Variants in MCTP1 observed in about 807,000 individuals in gnomAD.
MCTP1 encodes the protein multiple C2 and transmembrane domain containing 1, also known as multiple C2 and transmembrane domain-containing protein 1.
A neutral mutation model predicts 120.6 loss-of-function variants in MCTP1; 69 were observed. The observed-to-expected ratio is 0.57, with a 90% confidence interval of 0.47 to 0.70. The LOEUF (loss-of-function observed/expected upper bound fraction) is 0.70, where lower values mean the gene tolerates loss of function less well. Among genes scored for constraint, MCTP1 ranks in the 30% least tolerant of loss-of-function variants. The pLI, the probability that MCTP1 is intolerant of heterozygous loss-of-function variation, is 0.00. For synonymous variants in MCTP1, 529 were observed against 493.1 expected (o/e 1.07, Z -0.96); for missense variants, 1,203 against 1,248.8 (o/e 0.96, Z 0.55).
chr5:94,779,934 C>T (rs1034096351), intron 18 of MCTP1, among the ~76,000 whole-genome samples: 5 of 152,116 alleles, frequency 3.3e-5, no homozygotes, highest in Admixed American at 3.3e-4. Flanking sequence ...CTTCCCTTTG[C>T]CTTGATCAAC....
chr5:94,978,340 C>G (rs1436436382), intron 2 of MCTP1, among the ~76,000 whole-genome samples: 7 of 152,066 alleles, frequency 4.6e-5, no homozygotes, highest in Admixed American at 4.6e-4. Context: ...ATTTAGCAAT[C>G]TGACTTTTTA....
At chr5:95,039,878 C>CAAAA (rs57011733) in intron 1 of MCTP1, among the ~76,000 whole-genome samples, 750 of 77,248 alleles carry the variant, frequency 9.7e-3, no homozygotes, top group Middle Eastern at 0.026. Flanking sequence ...GTACCGTTTG[C>CAAAA]AAAAAAAAAA....
chr5:94,917,977 G>T lies in MCTP1; in HGVS notation c.1273-4C>A, dbSNP rs774165336. On this transcript the variant is annotated splice_polypyrimidine_tract_variant and splice_region_variant and intron_variant, in intron 7 of 22. Transcript: ENST00000515393. ...GAAGAGCTGGCCTGCCGCACGTCTGGATGGAAATGAATGATCAGAGCTGTA... is the reference window on the plus strand; with the variant it reads ...GAAGAGCTGGCCTGCCGCACGTCTGTATGGAAATGAATGATCAGAGCTGTA... 2.5e-6 allele frequency: 4 copies of T among 1,612,870 alleles called. No homozygotes were observed. The highest frequency in any genetic ancestry group is 2.5e-6 in the Non-Finnish European group (3 of 1,178,872).
intron 2 of MCTP1, among the ~76,000 whole-genome samples, chr5:94,982,230 A>C (rs1314515276): frequency 3.3e-5 from 5 of 152,216 alleles, no homozygotes; most frequent in Non-Finnish European, 1.5e-5. Flanking sequence ...TTAGATTTTA[A>C]GTTATATACA....
At chr5:94,885,382 CTT>C (rs1801058968) in intron 12 of MCTP1, among the ~76,000 whole-genome samples, 2 of 151,842 alleles carry the variant, frequency 1.3e-5, no homozygotes, top group South Asian at 4.2e-4. Flanking sequence ...GAGAAGAACT[CTT>C]TTCTCCTTCT....
At chr5:94,735,787 G>C (rs1019355596) in intron 19 of MCTP1, among the ~76,000 whole-genome samples, 1 of 4,342 alleles carries the variant, frequency 2.3e-4, no homozygotes, top group African/African-American at 1.0e-3. Flanking sequence ...TACACTAAAA[G>C]AGACTTTAAA....
intron 9 of MCTP1, among the ~76,000 whole-genome samples, chr5:94,909,641 A>G (rs1487723909): frequency 6.6e-6 from 1 of 152,118 alleles, no homozygotes; most frequent in African/African-American, 2.4e-5. Context: ...CAGATAAGAT[A>G]TATAAATTAT....
intron 1 of MCTP1, chr5:95,081,496 T>A (rs1754926408): frequency 6.2e-7 from 1 of 1,607,414 alleles, no homozygotes; most frequent in Non-Finnish European, 8.5e-7. Context: ...TGATTAGAAA[T>A]GAACAAAACA....
At chr5:95,274,824 C>T (rs990138748) in intron 1 of MCTP1, among the ~76,000 whole-genome samples, 3 of 152,000 alleles carry the variant, frequency 2.0e-5, no homozygotes, top group Non-Finnish European at 4.4e-5. Context: ...GGGGTTTCAT[C>T]ATGTTAGCCA....
At chr5:95,134,215 T>G (rs1046092334) in intron 1 of MCTP1, among the ~76,000 whole-genome samples, 1 of 152,234 alleles carries the variant, frequency 6.6e-6, no homozygotes, top group Non-Finnish European at 1.5e-5. Flanking sequence ...CAGTGTAGTA[T>G]GTTTATGATT....
intron 19 of MCTP1, among the ~76,000 whole-genome samples, chr5:94,755,096 C>A (rs1033637106): frequency 5.9e-5 from 9 of 152,274 alleles, no homozygotes; most frequent in Admixed American, 4.6e-4. Context: ...TCCTCCCAGT[C>A]CTCCCACTTT....
At chr5:94,878,334 C>A (rs1407326453) in intron 12 of MCTP1, among the ~76,000 whole-genome samples, 2 of 152,034 alleles carry the variant, frequency 1.3e-5, no homozygotes, top group Non-Finnish European at 2.9e-5. Context: ...TTTTAAACAT[C>A]TGATTGGTAG....
chr5:95,126,489 A>G (rs754343544), intron 1 of MCTP1, among the ~76,000 whole-genome samples: 2 of 152,222 alleles, frequency 1.3e-5, no homozygotes, highest in Admixed American at 6.5e-5. Context: ...ACCTCAATGA[A>G]AAACACAGGT....
At chr5:94,854,159 CA>C (rs1794297735) in intron 17 of MCTP1, among the ~76,000 whole-genome samples, 1 of 151,802 alleles carries the variant, frequency 6.6e-6, no homozygotes, top group Non-Finnish European at 1.5e-5. Context: ...CCTCCTTACT[CA>C]GTAAAGAAAC....
intron 1 of MCTP1, among the ~76,000 whole-genome samples, chr5:95,252,154 T>C (rs1334686666): frequency 2.0e-5 from 3 of 152,156 alleles, no homozygotes; most frequent in Non-Finnish European, 2.9e-5. Context: ...GAAGGGGACT[T>C]GACAGCACCA....
At chr5:95,119,135 T>C (rs1482946248) in intron 1 of MCTP1, among the ~76,000 whole-genome samples, 5 of 152,258 alleles carry the variant, frequency 3.3e-5, no homozygotes, top group African/African-American at 1.2e-4. Context: ...ATATGTTAGG[T>C]CACAAAACAA....
chr5:94,788,183 G>A (rs1169755948), intron 18 of MCTP1, among the ~76,000 whole-genome samples: 1 of 152,200 alleles, frequency 6.6e-6, no homozygotes, highest in East Asian at 1.9e-4. Context: ...TTAAAGAACT[G>A]ATAGAGTATA....
intron 10 of MCTP1, among the ~76,000 whole-genome samples, chr5:94,897,761 G>T (rs1296756086): frequency 6.6e-6 from 1 of 152,106 alleles, no homozygotes; most frequent in African/African-American, 2.4e-5. Context: ...TTGTTGTACA[G>T]ATTATTTTGT....
chr5:94,853,202 C>T (rs184834416), intron 17 of MCTP1, among the ~76,000 whole-genome samples: 5 of 151,860 alleles, frequency 3.3e-5, no homozygotes, highest in Non-Finnish European at 5.9e-5. Context: ...GTAGGTAGGG[C>T]GGGGGAGAGA....
Sources: allele counts gnomAD v4.1 joint callset (sites outside exome capture counted in the v4.1 genomes callset), GRCh38; gene constraint gnomAD v4.1.1; transcripts MANE v1.5; gene names NCBI Gene and HGNC (gene_info 2026-07-23, HGNC 2026-07-21).